Variants in TRANK1 observed in about 807,000 individuals in gnomAD.
TRANK1 encodes tetratricopeptide repeat and ankyrin repeat containing 1.
A neutral mutation model predicts 266.0 loss-of-function variants in TRANK1; 198 were observed. The ratio of observed to expected loss-of-function variants is 0.74; its 90% CI spans 0.66 to 0.84. TRANK1 has a LOEUF of 0.84. TRANK1 is among the 40% of genes least tolerant of loss of function. TRANK1 has a pLI of 0.00. For synonymous variants in TRANK1, 1,396 were observed against 1,384.1 expected, an observed-to-expected ratio of 1.01 and a Z score of -0.19; for missense variants, 3,326 against 3,634.6, an observed-to-expected ratio of 0.92 and a Z score of 2.18.
chr3:36,892,327 A>T lies in TRANK1; in HGVS notation c.650T>A (p.Ile217Asn). Reference protein sequence around the residue: ...LKSLFEKYVFIGLYEKMEQVP... With the variant: ...LKSLFEKYVFNGLYEKMEQVP... ...TTGTTCCATCTTCTCATAAAGTCCA[A>T]TGAAAACGTATTTCTGGGGAAAAAA... is the stretch of plus-strand genomic sequence containing the variant. Residue 217 changes from isoleucine to asparagine, a missense_variant, in exon 7 of 24, where the codon ATT becomes AAT. Coordinates refer to ENST00000645898, the MANE Select transcript of TRANK1 (RefSeq NM_001329998.2). 6.5e-7 allele frequency: 1 copy of T among 1,537,162 alleles called. No individual in the cohort carries two copies. The highest frequency in any genetic ancestry group is 1.2e-5 in the South Asian group (1 of 84,028).
Position 36,864,319 on chromosome 3 carries a change from C to T in TRANK1, c.1240G>A (p.Glu414Lys). The stretch of plus-strand genomic sequence containing the variant: ...CATTGAACGTTGTGGAAAAAATTAC[C>T]TTGCAGAGTAGAAAGGAGACGCAAG... ...RFLRLLSTLQ[E>K]IPPDLVCDIN... The change falls in exon 10 of 24, where the codon GAA becomes AAA. Residue 414 changes from glutamate to lysine, a missense_variant and splice_region_variant. Physicochemically the swap from Glu to Lys is moderately conservative, Grantham distance 56. Coordinates refer to ENST00000645898, the MANE Select transcript of TRANK1 (RefSeq NM_001329998.2). 6.6e-7 allele frequency: 1 copy of T among 1,505,092 alleles called. No homozygotes were observed. Among genetic ancestry groups the T allele is most frequent in the East Asian group, 2.5e-5 (1 of 40,250 alleles). 93.2% of individuals were successfully genotyped at this position (1,505,092 alleles called of 1,614,324 possible).
chr3:36,829,447 G>T, intron 23 of TRANK1, 117 bp downstream of exon 23: 1 of 888,416 alleles, frequency 1.1e-6, no homozygotes, highest in Non-Finnish European at 1.8e-6. Flanking sequence ...CCTAGACAGT[G>T]AGAGTCCACT....
intron 8 of TRANK1, among the ~76,000 whole-genome samples, 184 bp downstream of exon 8, chr3:36,889,645 C>T (rs1448248727): frequency 6.6e-6 from 1 of 152,204 alleles, no homozygotes; most frequent in Admixed American, 6.5e-5. Context: ...TCTCTCACCT[C>T]ACCTTCTTTC....
chr3:36,838,418 G>A lies in TRANK1; in HGVS notation c.5471C>T (p.Ala1824Val), dbSNP rs766672755. 1.9e-6 allele frequency: 3 copies of A among 1,613,892 alleles called. No homozygotes were observed. The African/African-American group carries it at 4.0e-5, about 22-fold the overall frequency. ...PTLSLKCLSY[A>V]KEFQLSAQLC... ...CTGGGCAGAGAGCTGGAACTCCTTGGCATAGCTCAGACACTTAAGGGACAG... is the reference window on the plus strand; with the variant it reads ...CTGGGCAGAGAGCTGGAACTCCTTGACATAGCTCAGACACTTAAGGGACAG... Residue 1824 changes from alanine to valine, a missense_variant, in exon 20 of 24, where the codon GCC becomes GTC. Transcript: ENST00000645898.
intron 8 of TRANK1, among the ~76,000 whole-genome samples, chr3:36,882,841 T>C (rs1274351788): frequency 6.6e-6 from 1 of 152,156 alleles, no homozygotes; most frequent in Non-Finnish European, 1.5e-5. Flanking sequence ...TAATTCATAG[T>C]AAAAGATATT....
chr3:36,838,819 T>G lies in TRANK1; in HGVS notation c.5281-103A>C. 4 of 1,171,852 alleles carry G rather than the reference T, an allele frequency of 3.4e-6. No individual in the cohort carries two copies. The South Asian group carries it at 5.8e-5, about 17-fold the overall frequency. The allele number at this position is 1,171,852 out of a possible 1,614,324, so 72.6% of individuals were successfully genotyped here. A position where few individuals can be genotyped will look rare whatever the true frequency, so the allele number is the denominator to read the frequency against. On this transcript the variant is annotated intron_variant, in intron 18 of 23. Coordinates refer to ENST00000645898, the MANE Select transcript of TRANK1 (RefSeq NM_001329998.2). ...AAGTTTGTACTGACAAAACATGAAG[T>G]CTTGCTCCAGCCCAATCTGAGAAGG...
intron 8 of TRANK1, 25 bp from the exon 9 acceptor site, chr3:36,874,321 G>T: frequency 6.5e-7 from 1 of 1,532,992 alleles, no homozygotes; most frequent in South Asian, 1.2e-5. Context: ...AATGAGAAGG[G>T]GTGTTTGTCA....
At chr3:36,925,708 A>G (rs888922854) in intron 1 of TRANK1, among the ~76,000 whole-genome samples, 8 of 151,004 alleles carry the variant, frequency 5.3e-5, no homozygotes, top group African/African-American at 2.0e-4. Flanking sequence ...CTCCTGCCTC[A>G]GCCTCCCGAG....
At chr3:36,861,767 G>A (rs1170255210) in intron 10 of TRANK1, among the ~76,000 whole-genome samples, 2 of 148,830 alleles carry the variant, frequency 1.3e-5, no homozygotes, top group East Asian at 3.9e-4. Flanking sequence ...ATACAGTGGC[G>A]CGATCTCGGC....
chr3:36,846,251 T>A lies in TRANK1; in HGVS notation c.5188A>T (p.Lys1730Ter), dbSNP rs773414344. The A allele has an allele frequency of 5.0e-6, 8 of 1,585,580 alleles. No individual in the cohort carries two copies. In the Admixed American group the frequency reaches 9.0e-5, roughly 18 times the overall value. ...FVQVVKTDEN[K>*]DFDDSMFVKT... is the part of the protein sequence containing the mutation. ...GAGTATTTTAACAGGATCTTACCTTTATTTTCATCTGTCTTTACAACTTGG... is the reference window on the plus strand; with the variant it reads ...GAGTATTTTAACAGGATCTTACCTTAATTTTCATCTGTCTTTACAACTTGG... The change falls in exon 17 of 24, where the codon AAA (lysine) becomes TAA (stop). Residue 1730 changes from lysine to a stop codon, truncating the protein, a stop_gained. Coordinates refer to ENST00000645898, the MANE Select transcript of TRANK1 (RefSeq NM_001329998.2). LOFTEE classifies it high-confidence loss of function.
At chr3:36,930,698 A>G (rs2080349623) in intron 1 of TRANK1, among the ~76,000 whole-genome samples, 1 of 152,220 alleles carries the variant, frequency 6.6e-6, no homozygotes, top group Admixed American at 6.5e-5. Context: ...GCCAGACAAA[A>G]GAACATAAAC....
rs948292387 is a variant in TRANK1 at position 36,858,631 on chromosome 3, C to T, written c.1672+87G>A. 2.2e-6 allele frequency: 3 copies of T among 1,378,640 alleles called. No homozygotes were observed. The African/African-American group carries it at 4.4e-5, about 20-fold the overall frequency. 85.4% of individuals were successfully genotyped at this position (1,378,640 alleles called of 1,614,324 possible). On this transcript the variant is annotated intron_variant, in intron 12 of 23. Transcript: ENST00000645898. ...GCCTTTTTCAGATCACTGGTTTACA[C>T]AAAAGGAAAGACCAGAAAACATAGC... is the stretch of plus-strand genomic sequence containing the variant.
intron 8 of TRANK1, among the ~76,000 whole-genome samples, chr3:36,875,008 CAAA>C (rs112705869): frequency 6.2e-5 from 8 of 129,478 alleles, no homozygotes; most frequent in Non-Finnish European, 3.4e-5. Flanking sequence ...CCCACTTTAC[CAAA>C]AAAAAAAAAA....
chr3:36,938,280 C>G (rs932549874), intron 1 of TRANK1, among the ~76,000 whole-genome samples: 1 of 151,880 alleles, frequency 6.6e-6, no homozygotes, highest in Non-Finnish European at 1.5e-5. Context: ...GTGCAGTGGC[C>G]TGGTCTCGGC....
intron 8 of TRANK1, among the ~76,000 whole-genome samples, chr3:36,881,385 C>T (rs556196386): frequency 5.1e-4 from 78 of 151,888 alleles, no homozygotes; most frequent in African/African-American, 1.4e-3. Flanking sequence ...GGAGGCAGAG[C>T]TTGCAGTGAG....
Position 36,852,153 on chromosome 3 carries a change from G to A in TRANK1, c.4742C>T (p.Ala1581Val). The A allele has an allele frequency of 6.3e-7, 1 of 1,585,394 alleles. No homozygotes were observed. Among genetic ancestry groups the A allele is most frequent in the Non-Finnish European group, 8.5e-7 (1 of 1,172,406 alleles). The part of the protein sequence containing the change: ...KRKTQPIEFG[A>V]HQVILVANET... ...AAATCCCAAGCAGCTCACCTGGTGG[G>A]CTCCAAATTCAATGGGCTGAGTTTT... Residue 1581 changes from alanine to valine, a missense_variant, in exon 14 of 24, where the codon GCC (alanine) becomes GTC (valine). By Grantham distance (64) the Ala-to-Val change is moderately conservative (BLOSUM62 0). Coordinates refer to ENST00000645898, the MANE Select transcript of TRANK1 (RefSeq NM_001329998.2).
chr3:36,903,399 A>G, intron 2 of TRANK1, 124 bp from the exon 3 acceptor site: 9 of 1,238,066 alleles, frequency 7.3e-6, no homozygotes, highest in South Asian at 3.0e-5. Context: ...TGACTCATTC[A>G]TGCTTATCAG....
chr3:36,835,209 C>G (rs2078752621), intron 20 of TRANK1, among the ~76,000 whole-genome samples: 1 of 146,462 alleles, frequency 6.8e-6, no homozygotes, highest in African/African-American at 2.5e-5. Context: ...GTCCCAGCTA[C>G]TTGGGAGGCT....
At chr3:36,835,308 G>A (rs1215954815) in intron 20 of TRANK1, among the ~76,000 whole-genome samples, 1 of 98,586 alleles carries the variant, frequency 1.0e-5, no homozygotes, top group Non-Finnish European at 1.8e-5. Context: ...GACAGAGCGA[G>A]ACTCCGTCTC....
Sources: allele counts gnomAD v4.1 joint callset (sites outside exome capture counted in the v4.1 genomes callset), GRCh38; gene constraint gnomAD v4.1.1; transcripts MANE v1.5; gene names NCBI Gene and HGNC (gene_info 2026-07-23, HGNC 2026-07-21).